Variants in ERI1 observed in about 807,000 individuals in gnomAD.
ERI1 encodes exoribonuclease 1.
A neutral mutation model predicts 39.7 loss-of-function variants in ERI1; 39 were observed. The observed-to-expected ratio is 0.98, with a 90% CI of 0.76 to 1.28. The LOEUF (loss-of-function observed/expected upper bound fraction) is 1.28. ERI1 is among the 50% of genes most tolerant of loss of function. The pLI is 0.00. For synonymous variants in ERI1, 204 were observed against 149.6 expected (o/e 1.36, Z -2.65); for missense variants, 581 against 416.9 (o/e 1.39, Z -3.43).
chr8:9,021,414 G>T (rs528849996), intron 6 of ERI1, among the ~76,000 whole-genome samples: 4 of 152,156 alleles, frequency 2.6e-5, no homozygotes, highest in African/African-American at 9.6e-5. Flanking sequence ...TAGATACTAT[G>T]TCATTTTTCT....
intron 1 of ERI1, among the ~76,000 whole-genome samples, chr8:9,005,382 C>T (rs1427049685): frequency 6.6e-6 from 1 of 151,632 alleles, no homozygotes; most frequent in Non-Finnish European, 1.5e-5. Flanking sequence ...AGATTGTGTT[C>T]CTTTAAAAAA....
Position 9,061,837 on chromosome 8 carries a change from G to A in ERI1, n.299+41373G>A, listed in dbSNP as rs776283187. On this transcript the variant is annotated intron_variant and non_coding_transcript_variant, in intron 3 of 3. Coordinates refer to the ERI1 transcript ENST00000518663. ...AGCAGTATAGCCCAGGTAATTTGCTGAGCCTGATGGGTGTCAGGGTCAGTC... is the reference window on the plus strand; with the variant it reads ...AGCAGTATAGCCCAGGTAATTTGCTAAGCCTGATGGGTGTCAGGGTCAGTC... Among the ~76,000 whole-genome samples, 225 of 150,912 alleles carry A rather than the reference G, an allele frequency of 1.5e-3. 2 individuals are homozygous for A. The highest frequency in any genetic ancestry group is 2.7e-3 in the Non-Finnish European group (183 of 67,688).
chr8:9,009,535 A>G (rs1055507752), intron 2 of ERI1, among the ~76,000 whole-genome samples: 1 of 152,104 alleles, frequency 6.6e-6, no homozygotes. Flanking sequence ...TATTGAGAAC[A>G]TGCCTTTTAT....
At chr8:9,063,572 C>T (rs1425373838) in intron 3 of ERI1, among the ~76,000 whole-genome samples, 1 of 151,998 alleles carries the variant, frequency 6.6e-6, no homozygotes, top group Non-Finnish European at 1.5e-5. Flanking sequence ...TAGAAAGACT[C>T]AGCGATGCTT....
intron 3 of ERI1, among the ~76,000 whole-genome samples, chr8:9,058,076 TGAAAA>T (rs1249902233): frequency 6.6e-6 from 1 of 152,118 alleles, no homozygotes; most frequent in East Asian, 1.9e-4. Context: ...GTCTGCCGTT[TGAAAA>T]GAGTAGCTGT....
chr8:9,005,138 C>G (rs1251038066), intron 1 of ERI1, among the ~76,000 whole-genome samples: 2 of 152,158 alleles, frequency 1.3e-5, no homozygotes, highest in Non-Finnish European at 2.9e-5. Flanking sequence ...TTCATCAGAA[C>G]TCTCCTTTTG....
downstream of ERI1, among the ~76,000 whole-genome samples, chr8:9,037,366 C>A (rs201352827): frequency 3.9e-5 from 6 of 152,288 alleles, no homozygotes; most frequent in East Asian, 1.2e-3. Context: ...TAAAGACCTG[C>A]TGTGATTTCA....
intron 3 of ERI1, among the ~76,000 whole-genome samples, chr8:9,058,719 C>G (rs979594570): frequency 1.5e-4 from 23 of 151,906 alleles, no homozygotes; most frequent in Admixed American, 1.4e-3. Context: ...TGCATGATGT[C>G]TTTGCTGTTG....
At chr8:9,054,991 G>A (rs1449877595) in intron 3 of ERI1, among the ~76,000 whole-genome samples, 1 of 152,028 alleles carries the variant, frequency 6.6e-6, no homozygotes, top group East Asian at 1.9e-4. Flanking sequence ...GGACAAAAAG[G>A]GTATGAACTG....
intron 3 of ERI1, among the ~76,000 whole-genome samples, chr8:9,012,432 C>T (rs949197573): frequency 6.6e-6 from 1 of 152,204 alleles, no homozygotes; most frequent in African/African-American, 2.4e-5. Flanking sequence ...CCAAAAGTCA[C>T]TTCTGTGATA....
intron 3 of ERI1, among the ~76,000 whole-genome samples, chr8:9,092,262 ATG>A (rs1228860707): frequency 6.6e-6 from 1 of 152,142 alleles, no homozygotes; most frequent in Non-Finnish European, 1.5e-5. Context: ...CCGCCTGTGT[ATG>A]TGTTTCAGCG....
chr8:9,053,447 G>T (rs532281821), intron 3 of ERI1, among the ~76,000 whole-genome samples: 1 of 152,160 alleles, frequency 6.6e-6, no homozygotes, highest in Non-Finnish European at 1.5e-5. Context: ...CCCAGAGAGG[G>T]AATGGAAGCT....
intron 3 of ERI1, among the ~76,000 whole-genome samples, chr8:9,061,716 A>C (rs910023188): frequency 6.6e-6 from 1 of 152,088 alleles, no homozygotes; most frequent in African/African-American, 2.4e-5. Flanking sequence ...CAGGGAGAGC[A>C]TGTGTGTTTT....
chr8:9,076,621 C>G (rs926855921), intron 3 of ERI1, among the ~76,000 whole-genome samples: 1 of 152,202 alleles, frequency 6.6e-6, no homozygotes, highest in African/African-American at 2.4e-5. Flanking sequence ...TATCCATTGC[C>G]TTTGGTAATA....
chr8:9,029,408 A>C (rs1015930248), intron 6 of ERI1, among the ~76,000 whole-genome samples: 1 of 152,110 alleles, frequency 6.6e-6, no homozygotes, highest in Non-Finnish European at 1.5e-5. Flanking sequence ...AGCTCGCTGC[A>C]GCCTCCACCT....
chr8:9,044,587 C>A (rs984992399), intron 3 of ERI1, among the ~76,000 whole-genome samples: 5 of 151,988 alleles, frequency 3.3e-5, no homozygotes, highest in African/African-American at 1.2e-4. Flanking sequence ...GGAGCAGAAG[C>A]AAAGCTTAAT....
Position 9,051,499 on chromosome 8 carries a change from A to G in ERI1, n.299+31035A>G, listed in dbSNP as rs1419328574. 2.0e-5 allele frequency among the ~76,000 whole-genome samples: 3 copies of G among 152,146 alleles called. No homozygotes were observed. In the East Asian group the frequency reaches 5.8e-4, roughly 29 times the overall value. ...TGGTGAAAGCACATCTCTACTAAAAATACAAAAATAAGCAGGGCATGGTAG... is the reference window on the plus strand; with the variant it reads ...TGGTGAAAGCACATCTCTACTAAAAGTACAAAAATAAGCAGGGCATGGTAG... On this transcript the variant is annotated intron_variant and non_coding_transcript_variant, in intron 3 of 3. Transcript: ENST00000518663.
rs556702690 is a variant in ERI1 at position 9,007,935 on chromosome 8, CTTTTTTTTTTTTTTTTT to C, written c.109-22_109-6del. On this transcript the variant is annotated intron_variant, in intron 1 of 6. Transcript: ENST00000250263. ...GTTTGTACTAATTATAAACTACATCCTTTTTTTTTTTTTTTTTTTTTTTTTTTTTGGTAGGAAACTCA... is the reference window on the plus strand; with the variant it reads ...GTTTGTACTAATTATAAACTACATCCTTTTTTTTTTTTGGTAGGAAACTCA... 1.9e-5 allele frequency: 18 copies of C among 969,284 alleles called. No individual in the cohort carries two copies. Among genetic ancestry groups the C allele is most frequent in the Admixed American group, 4.6e-5 (1 of 21,708 alleles). 60.0% of individuals were successfully genotyped at this position (969,284 alleles called of 1,614,324 possible).
chr8:9,053,342 G>C (rs762101200), intron 3 of ERI1, among the ~76,000 whole-genome samples: 10 of 152,136 alleles, frequency 6.6e-5, no homozygotes, highest in Non-Finnish European at 1.0e-4. Flanking sequence ...AGCTGATCAT[G>C]CCTAAGTCAT....
Sources: allele counts gnomAD v4.1 joint callset (sites outside exome capture counted in the v4.1 genomes callset), GRCh38; gene constraint gnomAD v4.1.1; transcripts MANE v1.5; gene names NCBI Gene and HGNC (gene_info 2026-07-23, HGNC 2026-07-21).